Variants in DMD observed in about 807,000 individuals in gnomAD.
DMD encodes dystrophin.
A neutral mutation model predicts 330.1 loss-of-function variants in DMD; 63 were observed. That is an observed-to-expected ratio of 0.19 (90% CI 0.16 to 0.24). The LOEUF (loss-of-function observed/expected upper bound fraction) is 0.24, where lower values mean the gene tolerates loss of function less well. Among genes scored for constraint, DMD ranks in the 10% least tolerant of loss-of-function variants. The pLI is 1.00. For synonymous variants in DMD, 1,223 were observed against 959.8 expected, an observed-to-expected ratio of 1.27 and a Z score of -5.07; for missense variants, 3,344 against 2,684.1, an observed-to-expected ratio of 1.25 and a Z score of -5.43.
intron 60 of DMD, among the ~76,000 whole-genome samples, chrX:31,385,434 AG>A (rs1373745010): frequency 8.9e-6 from 1 of 112,082 alleles, no homozygotes; most frequent in Non-Finnish European, 1.9e-5. Flanking sequence ...AAGCATCCAC[AG>A]GGTTCTGTGG....
Position 33,178,965 on chromosome X carries a change from A to AT in DMD, c.31+32316dup, listed in dbSNP as rs776069735. 3.6e-5 allele frequency among the ~76,000 whole-genome samples: 4 copies of AT among 112,204 alleles called. No individual in the cohort carries two copies. The East Asian group carries it at 8.4e-4, about 24-fold the overall frequency. On this transcript the variant is annotated intron_variant, in intron 1 of 78. Transcript: ENST00000357033. ...CTCAGGCAGCCAGATAGTGTTGTTTATTTTTTGCCAAATTGATGATGCCTT... is the reference window on the plus strand; with the variant it reads ...CTCAGGCAGCCAGATAGTGTTGTTTATTTTTTTGCCAAATTGATGATGCCTT...
intron 52 of DMD, among the ~76,000 whole-genome samples, chrX:31,727,894 G>A (rs2086183864): frequency 1.8e-5 from 2 of 112,490 alleles, no homozygotes; most frequent in Admixed American, 1.9e-4. Context: ...GACAAAAGAA[G>A]TATTTAGTCT....
chrX:32,000,813 C>T (rs1007381950), intron 44 of DMD, among the ~76,000 whole-genome samples: 1 of 111,687 alleles, frequency 9.0e-6, no homozygotes, highest in African/African-American at 3.2e-5. Flanking sequence ...CCACTAAGCA[C>T]ATTTCAAGTT....
intron 7 of DMD, among the ~76,000 whole-genome samples, chrX:32,701,719 G>A (rs1359789546): frequency 9.1e-6 from 1 of 110,324 alleles, no homozygotes. Flanking sequence ...ATTCACTGCT[G>A]TGTTATACAT....
At chrX:32,307,028 C>G (rs2097542882) in intron 42 of DMD, among the ~76,000 whole-genome samples, 1 of 111,259 alleles carries the variant, frequency 9.0e-6, no homozygotes, top group African/African-American at 3.3e-5. Context: ...TGAAGAATTC[C>G]ACTCCAAAGG....
In DMD at chrX:32,569,072, A is replaced by G. The variant is rs747141682; in HGVS notation, c.1813-3191T>C. 2.7e-5 allele frequency among the ~76,000 whole-genome samples: 3 copies of G among 112,083 alleles called. No individual in the cohort carries two copies. In the South Asian group the frequency reaches 1.1e-3, roughly 42 times the overall value. ...AAGGCAAAGGCCAGCTGGGATAGTA[A>G]AAGAATAAACAGACTTTATTTTTAT... On this transcript the variant is annotated intron_variant, in intron 15 of 78. Coordinates refer to ENST00000357033, the MANE Select transcript of DMD (RefSeq NM_004006.3).
At chrX:31,492,624 C>A (rs775294124) in intron 57 of DMD, among the ~76,000 whole-genome samples, 1 of 111,618 alleles carries the variant, frequency 9.0e-6, no homozygotes, top group East Asian at 2.8e-4. Flanking sequence ...TGGAACCAAC[C>A]CAAATGCCCA....
chrX:32,555,883 G>A (rs1028530445), intron 16 of DMD, among the ~76,000 whole-genome samples: 38 of 111,825 alleles, frequency 3.4e-4, no homozygotes, highest in African/African-American at 1.2e-3. Flanking sequence ...GAAAACCTAG[G>A]TAATAAGATT....
At chrX:32,155,914 G>A (rs200415902) in intron 44 of DMD, among the ~76,000 whole-genome samples, 36 of 109,212 alleles carry the variant, frequency 3.3e-4, no homozygotes, top group Non-Finnish European at 5.5e-4. Context: ...AAAATGCAAG[G>A]TTTGCTGAAC....
intron 41 of DMD, among the ~76,000 whole-genome samples, chrX:32,321,565 T>G (rs2097615210): frequency 9.0e-6 from 1 of 111,390 alleles, no homozygotes; most frequent in African/African-American, 3.3e-5. Flanking sequence ...AGGACAGCCT[T>G]ACTTCCACCC....
chrX:33,293,654 CCT>C (rs931220958), intron 1 of DMD, among the ~76,000 whole-genome samples: 2 of 110,936 alleles, frequency 1.8e-5, no homozygotes, highest in African/African-American at 6.5e-5. Flanking sequence ...TCATTTAAGC[CCT>C]CTCTCGATAC....
intron 67 of DMD, among the ~76,000 whole-genome samples, chrX:31,198,115 T>TA (rs1171158245): frequency 9.4e-6 from 1 of 106,142 alleles, no homozygotes; most frequent in Non-Finnish European, 1.9e-5. Flanking sequence ...GATCGGGGGA[T>TA]AAAAAAGGGA....
rs1187274831 is a variant in DMD at position 32,697,974 on chromosome X, A to T, written c.856T>A (p.Tyr286Asn). Residue 286 changes from tyrosine to asparagine, a missense_variant, in exon 9 of 79, where the codon TAT (tyrosine) becomes AAT (asparagine). Physicochemically the swap from Tyr to Asn is moderately radical, Grantham distance 143 (BLOSUM62 -2). Transcript: ENST00000357033. ...QQITVSLAQG[Y>N]ERTSSPKPRF... ...GGCTTAGGGGAAGAAGTTCTCTCAT[A>T]TCCCTGTGCTAGACTGACCGTGATC... The T allele has an allele frequency of 8.4e-7, 1 of 1,197,412 alleles. No individual in the cohort carries two copies. Among genetic ancestry groups the T allele is most frequent in the Non-Finnish European group, 1.1e-6 (1 of 889,064 alleles).
At chrX:32,505,427 A>G (rs2044518160) in intron 18 of DMD, among the ~76,000 whole-genome samples, 3 of 112,189 alleles carry the variant, frequency 2.7e-5, no homozygotes, top group Non-Finnish European at 3.8e-5. Flanking sequence ...TTCACATCAT[A>G]TGTTACCAGG....
At chrX:32,184,832 CTTTTTTT>C (rs78157427) in intron 44 of DMD, among the ~76,000 whole-genome samples, 3 of 60,665 alleles carry the variant, frequency 4.9e-5, no homozygotes, top group Admixed American at 2.1e-4. Context: ...CTACAGATGT[CTTTTTTT>C]TTTTTTTTTT....
chrX:31,968,373 C>G lies in DMD; in HGVS notation c.6580G>C (p.Glu2194Gln). 8.3e-7 allele frequency: 1 copy of G among 1,210,656 alleles called. No homozygotes were observed. The highest frequency in any genetic ancestry group is 1.1e-6 in the Non-Finnish European group (1 of 894,838). ...KLGSLNLRWQ[E>Q]VCKQLSDRKK... is the part of the protein sequence containing the mutation. The stretch of plus-strand genomic sequence containing the variant: ...CTGTCTGACAGCTGTTTGCAGACCT[C>G]CTGCCACCGCAGATTCAGGCTTCCC... The change falls in exon 45 of 79, where the codon GAG becomes CAG. Residue 2194 changes from glutamate to glutamine, a missense_variant. Transcript: ENST00000357033.
At chrX:32,165,105 G>T (rs1318754411) in intron 44 of DMD, among the ~76,000 whole-genome samples, 1 of 112,327 alleles carries the variant, frequency 8.9e-6, no homozygotes, top group Non-Finnish European at 1.9e-5. Context: ...AGGGAAATGT[G>T]GGGTTGGAGC....
intron 2 of DMD, among the ~76,000 whole-genome samples, chrX:32,989,728 A>T (rs2092929653): frequency 9.0e-6 from 1 of 111,322 alleles, no homozygotes; most frequent in Non-Finnish European, 1.9e-5. Flanking sequence ...GGGAGGCCAT[A>T]ATTTTTCTAC....
chrX:32,438,071 C>T (rs2098268229), intron 29 of DMD, among the ~76,000 whole-genome samples, 170 bp downstream of exon 29: 1 of 112,198 alleles, frequency 8.9e-6, no homozygotes, highest in Non-Finnish European at 1.9e-5. Flanking sequence ...TGTGAAATCA[C>T]ATGCTATAAT....
Sources: gnomAD v4.1 joint callset for allele counts (sites outside exome capture counted in the v4.1 genomes callset) on GRCh38, gnomAD v4.1.1 for gene constraint, MANE v1.5 for transcripts, NCBI Gene and HGNC (gene_info 2026-07-23, HGNC 2026-07-21) for gene names.